PABPC4L: variants seen among roughly 807,000 people sequenced by gnomAD.
The protein encoded by PABPC4L is poly(A) binding protein cytoplasmic 4 like.
For synonymous variants in PABPC4L, 169 were observed against 164.1 expected (o/e 1.03, Z -0.23); for missense variants, 452 against 451.4 (o/e 1.00, Z -0.01).
the PABPC4L span, among the ~76,000 whole-genome samples, chr4:134,159,593 T>C: frequency 1.5e-3 from 230 of 152,196 alleles, 1 homozygote; most frequent in African/African-American, 5.1e-3. Flanking sequence ...AGACCAACAC[T>C]GGGCCAGAGA....
At chr4:134,187,211 A>G in the PABPC4L span, among the ~76,000 whole-genome samples, 4 of 152,242 alleles carry the variant, frequency 2.6e-5, no homozygotes, top group East Asian at 7.7e-4. Context: ...CCAAAGGATT[A>G]TAAATCCTGC....
the PABPC4L span, among the ~76,000 whole-genome samples, chr4:133,987,486 A>G: frequency 6.6e-6 from 1 of 152,162 alleles, no homozygotes. Context: ...TCTATTTCCA[A>G]TTAACTCTTC....
At chr4:133,956,929 C>A in the PABPC4L span, among the ~76,000 whole-genome samples, 202 of 152,262 alleles carry the variant, frequency 1.3e-3, 1 homozygote, top group African/African-American at 4.7e-3. Context: ...TCAATTACTT[C>A]CCACTGTGTC....
chr4:133,995,064 A>T, the PABPC4L span, among the ~76,000 whole-genome samples: 1 of 152,168 alleles, frequency 6.6e-6, no homozygotes, highest in East Asian at 1.9e-4. Context: ...CATCTGACTG[A>T]GAAAACCCAC....
At chr4:133,994,582 A>G in the PABPC4L span, among the ~76,000 whole-genome samples, 5 of 152,034 alleles carry the variant, frequency 3.3e-5, no homozygotes, top group African/African-American at 1.2e-4. Flanking sequence ...GCCAGTCTTG[A>G]TCACTAATGA....
the PABPC4L span, among the ~76,000 whole-genome samples, chr4:133,952,110 C>T: frequency 1.3e-5 from 2 of 152,080 alleles, no homozygotes; most frequent in African/African-American, 4.8e-5. Context: ...CTTCTTTCCC[C>T]CGAAATTAGA....
At chr4:134,176,655 G>A in the PABPC4L span, among the ~76,000 whole-genome samples, 4 of 151,978 alleles carry the variant, frequency 2.6e-5, no homozygotes, top group Admixed American at 1.3e-4. Context: ...GAAAAACCAC[G>A]TCGGGATCCA....
At chr4:134,054,501 C>A in the PABPC4L span, among the ~76,000 whole-genome samples, 3 of 151,574 alleles carry the variant, frequency 2.0e-5, no homozygotes, top group African/African-American at 7.3e-5. Flanking sequence ...TCCCCCATTA[C>A]TGTTTTATAG....
chr4:134,117,368 G>A, the PABPC4L span, among the ~76,000 whole-genome samples: 6 of 151,880 alleles, frequency 4.0e-5, no homozygotes, highest in Admixed American at 2.6e-4. Context: ...GCACAGTTAC[G>A]CATGAGGAGA....
the PABPC4L span, among the ~76,000 whole-genome samples, chr4:134,152,285 AAT>A: frequency 7.9e-5 from 12 of 152,164 alleles, no homozygotes; most frequent in Non-Finnish European, 1.3e-4. Context: ...TAGTGTTAAG[AAT>A]ATGTTACATT....
the PABPC4L span, among the ~76,000 whole-genome samples, chr4:134,016,419 A>G: frequency 6.6e-6 from 1 of 152,200 alleles, no homozygotes; most frequent in African/African-American, 2.4e-5. Context: ...AAAGGAAGCT[A>G]GAGTCATTCA....
At chr4:134,126,891 C>T in the PABPC4L span, among the ~76,000 whole-genome samples, 6 of 152,100 alleles carry the variant, frequency 3.9e-5, no homozygotes, top group Admixed American at 1.3e-4. Context: ...GTTCTCAGCC[C>T]TGCTCACTGG....
At chr4:134,056,905 A>G in the PABPC4L span, among the ~76,000 whole-genome samples, 481 of 152,108 alleles carry the variant, frequency 3.2e-3, 4 homozygotes, top group African/African-American at 0.011. Flanking sequence ...ACTGGCAAAA[A>G]CTTCCAGTTT....
the PABPC4L span, among the ~76,000 whole-genome samples, chr4:134,080,289 T>C: frequency 4.6e-5 from 7 of 152,158 alleles, no homozygotes; most frequent in South Asian, 4.1e-4. Flanking sequence ...GTGTTATTCA[T>C]GAGCCTGTCA....
At position 134,199,764 on chromosome 4, in the gene PABPC4L, A is replaced by C; in HGVS notation, c.*143T>G. ...CACAAAAGAAAAAAAATGGCTTTGT[A>C]TAAAAAACGTTTTATCATAAAGTTT... On this transcript the variant is annotated 3_prime_UTR_variant, in exon 2 of 2. Transcript: ENST00000421491. 1 of 1,116,352 alleles carries C rather than the reference A, an allele frequency of 9.0e-7. No homozygotes were observed. The highest frequency in any genetic ancestry group is 1.2e-6 in the Non-Finnish European group (1 of 819,304). 69.2% of individuals were successfully genotyped at this position (1,116,352 alleles called of 1,614,324 possible). A position where few individuals can be genotyped will look rare whatever the true frequency, so the allele number is the denominator to read the frequency against.
At chr4:134,042,585 A>C in the PABPC4L span, among the ~76,000 whole-genome samples, 4 of 152,208 alleles carry the variant, frequency 2.6e-5, no homozygotes, top group Non-Finnish European at 2.9e-5. Context: ...AAGTCAGTAC[A>C]ATTCGAGGGG....
At chr4:134,179,460 T>C in the PABPC4L span, among the ~76,000 whole-genome samples, 1 of 152,114 alleles carries the variant, frequency 6.6e-6, no homozygotes, top group Non-Finnish European at 1.5e-5. Context: ...CCAGTGACAC[T>C]GTAAAACAGC....
At chr4:134,174,641 T>C in the PABPC4L span, among the ~76,000 whole-genome samples, 1 of 152,192 alleles carries the variant, frequency 6.6e-6, no homozygotes, top group Non-Finnish European at 1.5e-5. Context: ...TATTTATGTT[T>C]GTATTTGTGT....
chr4:134,022,434 A>G, the PABPC4L span, among the ~76,000 whole-genome samples: 1 of 152,110 alleles, frequency 6.6e-6, no homozygotes, highest in Admixed American at 6.6e-5. Flanking sequence ...ATGCACGCAC[A>G]CACGCACACA....
Sources: allele counts gnomAD v4.1 joint callset (sites outside exome capture counted in the v4.1 genomes callset), GRCh38; gene constraint gnomAD v4.1.1; transcripts MANE v1.5; gene names NCBI Gene and HGNC (gene_info 2026-07-23, HGNC 2026-07-21).